Variants in FUBP3 observed in about 807,000 individuals in gnomAD.
FUBP3 encodes far upstream element binding protein 3, also known as far upstream element-binding protein 3.
In FUBP3, 28 loss-of-function variants were observed where a neutral mutation model predicts 85.6. The observed-to-expected ratio is 0.33, with a 90% CI of 0.24 to 0.45. The LOEUF is 0.45. Among genes scored for constraint, FUBP3 ranks in the 20% least tolerant of loss-of-function variants. The pLI, the probability that FUBP3 is intolerant of heterozygous loss-of-function variation, is 1.00. For missense variants in FUBP3, 583 were observed against 755.1 expected (o/e 0.77, Z 2.67); for synonymous variants, 271 against 271.4 (o/e 1.00, Z 0.01).
rs1831993890 is a variant in FUBP3 at position 130,616,088 on chromosome 9, C to G, written c.405-267C>G. On this transcript the variant is annotated intron_variant, in intron 6 of 18. Coordinates refer to ENST00000319725, the MANE Select transcript of FUBP3 (RefSeq NM_003934.2). The surrounding 1 kb of genome is among the most constrained non-coding windows in gnomAD (Gnocchi z 4.7). ...ATAGGAGACGACACCTTTGTGGAGACACAAGCATGAGCAGAGGGCAGGCTT... is the reference window on the plus strand; with the variant it reads ...ATAGGAGACGACACCTTTGTGGAGAGACAAGCATGAGCAGAGGGCAGGCTT... Among the ~76,000 whole-genome samples the G allele has an allele frequency of 1.3e-5, 2 of 152,142 alleles. No individual in the cohort carries two copies. Among genetic ancestry groups the G allele is most frequent in the Non-Finnish European group, 2.9e-5 (2 of 68,038 alleles).
At position 130,635,816 on chromosome 9, in the gene FUBP3, C is replaced by G; in HGVS notation, c.1583-183C>G. 1.6e-6 allele frequency: 1 copy of G among 616,252 alleles called. No homozygotes were observed. Among genetic ancestry groups the G allele is most frequent in the Non-Finnish European group, 2.8e-6 (1 of 352,600 alleles). The allele number at this position is 616,252 out of a possible 1,614,324, so 38.2% of individuals were successfully genotyped here. A position where few individuals can be genotyped will look rare whatever the true frequency, so the allele number is the denominator to read the frequency against. On this transcript the variant is annotated intron_variant, in intron 17 of 18. Coordinates refer to ENST00000319725, the MANE Select transcript of FUBP3 (RefSeq NM_003934.2). The surrounding 1 kb of genome is among the most constrained non-coding windows in gnomAD (Gnocchi z 4.3). ...CACAGGCATAGCAGGGGCCGGGCAACAAGAGGCTAACAGCACCTTTTGTAG... is the reference window on the plus strand; with the variant it reads ...CACAGGCATAGCAGGGGCCGGGCAAGAAGAGGCTAACAGCACCTTTTGTAG...
chr9:130,596,901 CT>C (rs1352323548), intron 2 of FUBP3, among the ~76,000 whole-genome samples: 1 of 152,066 alleles, frequency 6.6e-6, no homozygotes, highest in Non-Finnish European at 1.5e-5. Flanking sequence ...AAGCATTTAT[CT>C]TTTGAGTTAC....
At chr9:130,602,422 A>AC (rs1295355776) in intron 2 of FUBP3, among the ~76,000 whole-genome samples, 1 of 152,166 alleles carries the variant, frequency 6.6e-6, no homozygotes, top group Non-Finnish European at 1.5e-5. Context: ...GAAAAGGAAG[A>AC]CAGGAGGGAG....
At chr9:130,600,765 G>T (rs1831115958) in intron 2 of FUBP3, among the ~76,000 whole-genome samples, 1 of 152,088 alleles carries the variant, frequency 6.6e-6, no homozygotes, top group Non-Finnish European at 1.5e-5. Context: ...TTGCGTCCAG[G>T]AGTTTGAGAC....
At chr9:130,633,504 C>G (rs536675649) in intron 16 of FUBP3, among the ~76,000 whole-genome samples, 3 of 152,338 alleles carry the variant, frequency 2.0e-5, no homozygotes, top group African/African-American at 7.2e-5. Context: ...GCGGGTGGAA[C>G]GGGCAGAGGC....
At chr9:130,632,360 C>A in intron 16 of FUBP3, 82 bp downstream of exon 16, 1 of 1,065,048 alleles carries the variant, frequency 9.4e-7, no homozygotes, top group Non-Finnish European at 1.4e-6. Context: ...CGCCCTCGTT[C>A]AACTCAGCCA....
At chr9:130,602,962 C>T (rs140197161) in intron 2 of FUBP3, among the ~76,000 whole-genome samples, 1 of 152,236 alleles carries the variant, frequency 6.6e-6, no homozygotes, top group African/African-American at 2.4e-5. Flanking sequence ...TGGGCGGTCA[C>T]CTGGGGTGGA....
chr9:130,636,081 C>T lies in FUBP3; in HGVS notation c.1665C>T (p.Val555=), dbSNP rs1369068520. 11 of 1,613,492 alleles carry T rather than the reference C, an allele frequency of 6.8e-6. No homozygotes were observed. Among genetic ancestry groups the T allele is most frequent in the African/African-American group, 1.3e-5 (1 of 74,936 alleles). Residue 555 remains valine (V), a synonymous_variant, in exon 18 of 19, where the codon GTC becomes GTT. Coordinates refer to ENST00000319725, the MANE Select transcript of FUBP3 (RefSeq NM_003934.2). ...GGGCAGAATATTACAGACAGCAGGT[C>T]GCTTTCTACGGACAGACGTTAGGGC... ...MAWAEYYRQQ[V]AFYGQTLGQA... is the part of the protein sequence containing the mutation.
chr9:130,606,690 C>A (rs191618187), intron 2 of FUBP3, among the ~76,000 whole-genome samples: 1 of 152,168 alleles, frequency 6.6e-6, no homozygotes, highest in African/African-American at 2.4e-5. Flanking sequence ...CGTAGTGGCG[C>A]ATGCCTGTAA....
chr9:130,616,713 C>T lies in FUBP3; in HGVS notation c.567+196C>T, dbSNP rs1379298807. ...GCCACGTCTGATGCCAAATATGATG[C>T]CAAGTACTAGGGCAGGTGTGCCCTA... On this transcript the variant is annotated intron_variant, in intron 7 of 18. Transcript: ENST00000319725. The surrounding 1 kb of genome is among the most constrained non-coding windows in gnomAD (Gnocchi z 4.7). Among the ~76,000 whole-genome samples, 1 of 152,108 alleles carries T rather than the reference C, an allele frequency of 6.6e-6. No individual in the cohort carries two copies. Among genetic ancestry groups the T allele is most frequent in the East Asian group, 1.9e-4 (1 of 5,190 alleles).
chr9:130,619,703 G>A (rs145325437), intron 8 of FUBP3, among the ~76,000 whole-genome samples: 1 of 152,320 alleles, frequency 6.6e-6, no homozygotes, highest in Non-Finnish European at 1.5e-5. Flanking sequence ...TGGCCAACAT[G>A]CAGTGATAGA....
intron 1 of FUBP3, among the ~76,000 whole-genome samples, chr9:130,585,554 A>G (rs1024726551): frequency 2.6e-5 from 4 of 152,204 alleles, no homozygotes; most frequent in African/African-American, 9.6e-5. Flanking sequence ...GATCATGGGC[A>G]GTTAAGTTTG....
In FUBP3 at chr9:130,616,476, C is replaced by T; in HGVS notation, c.526C>T (p.Leu176=). The change falls in exon 7 of 19, where the codon CTG becomes TTG. Residue 176 remains leucine (L), a synonymous_variant. Coordinates refer to ENST00000319725, the MANE Select transcript of FUBP3 (RefSeq NM_003934.2). The surrounding 1 kb of genome is among the most constrained non-coding windows in gnomAD (Gnocchi z 4.7). Reference sequence around the variant, plus strand: ...TCTCATTCCCGCATCTAAAGTGGGTCTGGTCATCGGCAGAGGAGGGGAAAC... The same window carrying T: ...TCTCATTCCCGCATCTAAAGTGGGTTTGGTCATCGGCAGAGGAGGGGAAAC... ...EILIPASKVG[L]VIGRGGETIK... The T allele has an allele frequency of 6.2e-7, 1 of 1,614,068 alleles. No individual in the cohort carries two copies. Among genetic ancestry groups the T allele is most frequent in the Non-Finnish European group, 8.5e-7 (1 of 1,179,956 alleles).
chr9:130,630,298 C>G (rs1830160018), intron 12 of FUBP3, among the ~76,000 whole-genome samples: 1 of 152,226 alleles, frequency 6.6e-6, no homozygotes, highest in African/African-American at 2.4e-5. Context: ...CAAGGGTGAG[C>G]TCCATGGTGT....
Position 130,622,770 on chromosome 9 carries a change from G to A in FUBP3, c.834G>A (p.Lys278=). The A allele has an allele frequency of 6.3e-7, 1 of 1,596,248 alleles. No individual in the cohort carries two copies. Among genetic ancestry groups the A allele is most frequent in the African/African-American group, 1.3e-5 (1 of 74,196 alleles). The change falls in exon 10 of 19, where the codon AAG becomes AAA. Residue 278 remains lysine (K), a synonymous_variant. Coordinates refer to ENST00000319725, the MANE Select transcript of FUBP3 (RefSeq NM_003934.2). The stretch of plus-strand genomic sequence containing the variant: ...GAAGAAACGGGGAAATGATCAAAAA[G>A]ATCCAGAATGATGCTGGTGTGAGGA... ...VIGRNGEMIK[K]IQNDAGVRIQ... is the part of the protein sequence containing the mutation.
At chr9:130,591,243 G>C (rs1830611978) in intron 1 of FUBP3, among the ~76,000 whole-genome samples, 1 of 152,120 alleles carries the variant, frequency 6.6e-6, no homozygotes, top group Non-Finnish European at 1.5e-5. Flanking sequence ...AGGAGTTTGA[G>C]ACCAGCCTGG....
rs751544136 is a variant in FUBP3 at position 130,626,323 on chromosome 9, T to A, written c.976-41T>A. On this transcript the variant is annotated intron_variant, in intron 11 of 18. Transcript: ENST00000319725. ...GGAAAAGAGAGGAGCAGTGGTGCTG[T>A]GGCAGTGGCAGAGGTCGCTACAGCC... The A allele has an allele frequency of 4.4e-6, 7 of 1,585,996 alleles. No homozygotes were observed. In the East Asian group the frequency reaches 1.6e-4, roughly 36 times the overall value.
At chr9:130,622,268 T>G (rs1002711849) in intron 9 of FUBP3, among the ~76,000 whole-genome samples, 6 of 137,950 alleles carry the variant, frequency 4.3e-5, no homozygotes, top group African/African-American at 1.7e-4. Context: ...GAGGTTGCAG[T>G]GAGCCAAGAT....
chr9:130,633,180 G>C (rs1399502745), intron 16 of FUBP3, among the ~76,000 whole-genome samples: 2 of 152,236 alleles, frequency 1.3e-5, no homozygotes, highest in Non-Finnish European at 2.9e-5. Flanking sequence ...TCAAGGGTTT[G>C]GGTTTGAATT....
Sources: gnomAD v4.1 joint callset for allele counts (sites outside exome capture counted in the v4.1 genomes callset) on GRCh38, gnomAD v4.1.1 for gene constraint, Gnocchi (gnomAD v3.1) non-coding constraint, MANE v1.5 for transcripts, NCBI Gene and HGNC (gene_info 2026-07-23, HGNC 2026-07-21) for gene names.